The following PLAAT3 variants were observed in gnomAD, a reference collection of about 807,000 sequenced individuals.
The protein encoded by PLAAT3 is Ca-independent phospholipase A1/2.
PLAAT3 carries 21 observed loss-of-function variants against 16.7 expected under a neutral mutation model. The observed-to-expected ratio is 1.26, with a 90% CI of 0.89 to 1.81. The LOEUF is 1.81. PLAAT3 is among the 40% of genes most tolerant of loss of function. PLAAT3 has a pLI of 0.00. For synonymous variants in PLAAT3, 76 were observed against 81.7 expected, an observed-to-expected ratio of 0.93 and a Z score of 0.38; for missense variants, 219 against 213.7, an observed-to-expected ratio of 1.02 and a Z score of -0.16.
chr11:63,575,141 TG>T, intron 4 of PLAAT3, 95 bp from the exon 5 acceptor site: 1 of 820,976 alleles, frequency 1.2e-6, no homozygotes, highest in Non-Finnish European at 2.0e-6. Flanking sequence ...ATACCTCACA[TG>T]CCCCTTGGCC....
chr11:63,575,070 C>T, intron 4 of PLAAT3, 24 bp from the exon 5 acceptor site: 1 of 1,499,748 alleles, frequency 6.7e-7, no homozygotes, highest in South Asian at 1.1e-5. Flanking sequence ...GAGGGTGGGT[C>T]ACACTCTGTG....
chr11:63,589,346 A>C (rs573482304), intron 4 of PLAAT3, among the ~76,000 whole-genome samples: 1 of 151,928 alleles, frequency 6.6e-6, no homozygotes, highest in Admixed American at 6.6e-5. Context: ...TCACTGAAAA[A>C]AATATGTATT....
intron 4 of PLAAT3, among the ~76,000 whole-genome samples, chr11:63,576,688 G>A (rs2017666317): frequency 6.6e-6 from 1 of 152,164 alleles, no homozygotes; most frequent in Admixed American, 6.5e-5. Context: ...GTATACATTA[G>A]AGGCCAGTAT....
rs1349383490 is a variant in PLAAT3, at chr11:63,574,873, A to T, written c.*72T>A. 1.1e-6 allele frequency: 1 copy of T among 886,932 alleles called. No homozygotes were observed. The highest frequency in any genetic ancestry group is 1.7e-5 in the African/African-American group (1 of 60,300). The allele number at this position is 886,932 out of a possible 1,614,324, so 54.9% of individuals were successfully genotyped here. A position where few individuals can be genotyped will look rare whatever the true frequency, so the allele number is the denominator to read the frequency against. On this transcript the variant is annotated 3_prime_UTR_variant, in exon 5 of 5. Coordinates refer to ENST00000415826, the MANE Select transcript of PLAAT3 (RefSeq NM_001128203.2). ...AATCACAATGAAATCCACAAACCAA[A>T]CCCCAAACTCTCTAGCAAAACAAGA...
At chr11:63,588,080 T>A (rs1788273) in intron 4 of PLAAT3, among the ~76,000 whole-genome samples, 26 of 151,774 alleles carry the variant, frequency 1.7e-4, no homozygotes, top group South Asian at 6.3e-4. Context: ...ATAAAAAAAA[T>A]TTTTTTTGAG....
rs548117869 is a variant in PLAAT3 at position 63,614,094 on chromosome 11, T to C, written c.-54-26A>G. 8.6e-5 allele frequency: 139 copies of C among 1,609,486 alleles called. No individual in the cohort carries two copies. The East Asian group carries it at 2.7e-3, about 32-fold the overall frequency. On this transcript the variant is annotated intron_variant, in intron 1 of 4. Coordinates refer to ENST00000415826, the MANE Select transcript of PLAAT3 (RefSeq NM_001128203.2). ...CTGAGGCAGGGGGAGCAGGGATTTA[T>C]TGTCATTAACAGGAAACTGCGTCTC...
rs183204056 is a variant in PLAAT3 at position 63,596,598 on chromosome 11, G to A, written c.118+1463C>T. ...ACTAGATGGTCCCTTCTGGGGTGAC[G>A]GGTGACAGTGACAGATCATCAGGCA... On this transcript the variant is annotated intron_variant, in intron 3 of 4. Transcript: ENST00000415826. Among the ~76,000 whole-genome samples the A allele has an allele frequency of 5.1e-3, 774 of 151,632 alleles. 2 individuals are homozygous for A. Among genetic ancestry groups the A allele is most frequent in the Non-Finnish European group, 7.5e-3 (512 of 67,908 alleles).
At chr11:63,589,966 C>A in intron 4 of PLAAT3, 134 bp downstream of exon 4, 23 of 703,602 alleles carry the variant, frequency 3.3e-5, no homozygotes, top group East Asian at 1.2e-4. Flanking sequence ...CTTGTCCCAA[C>A]TGTGACATCC....
chr11:63,599,493 TA>T (rs1938370896), intron 2 of PLAAT3, among the ~76,000 whole-genome samples: 1 of 152,206 alleles, frequency 6.6e-6, no homozygotes, highest in Admixed American at 6.5e-5. Flanking sequence ...CTACAACGCC[TA>T]TGAAGGCGGG....
chr11:63,580,411 T>G (rs1026594380), intron 4 of PLAAT3, among the ~76,000 whole-genome samples: 17 of 152,178 alleles, frequency 1.1e-4, no homozygotes, highest in Admixed American at 5.9e-4. Context: ...ATCCCAGCAC[T>G]TTGGGAGGCC....
intron 2 of PLAAT3, among the ~76,000 whole-genome samples, chr11:63,606,590 GA>G (rs2134429317): frequency 1.3e-5 from 2 of 152,330 alleles, no homozygotes; most frequent in South Asian, 4.1e-4. Context: ...GGTGCAATAG[GA>G]ATTAGAGAGT....
intron 4 of PLAAT3, among the ~76,000 whole-genome samples, chr11:63,583,054 C>A (rs767760357): frequency 6.6e-6 from 1 of 151,654 alleles, no homozygotes; most frequent in Non-Finnish European, 1.5e-5. Flanking sequence ...TCACTTGAAC[C>A]GGGAGGCGGA....
chr11:63,613,954 C>A (rs368182387), intron 2 of PLAAT3, 46 bp downstream of exon 2: 1 of 1,218,898 alleles, frequency 8.2e-7, no homozygotes, highest in Non-Finnish European at 1.2e-6. Context: ...TCCCCACTAA[C>A]AGGGGGCTCC....
At chr11:63,604,239 G>A (rs762811114) in intron 2 of PLAAT3, among the ~76,000 whole-genome samples, 5 of 152,046 alleles carry the variant, frequency 3.3e-5, no homozygotes, top group Non-Finnish European at 7.4e-5. Context: ...TATTACATAC[G>A]CAACAGTGCG....
At chr11:63,577,752 G>A (rs201929923) in intron 4 of PLAAT3, among the ~76,000 whole-genome samples, 3 of 151,956 alleles carry the variant, frequency 2.0e-5, no homozygotes, top group Admixed American at 6.6e-5. Context: ...GGCTAAGATC[G>A]AGTGTAAAAA....
At chr11:63,599,961 C>A (rs1017005130) in intron 2 of PLAAT3, among the ~76,000 whole-genome samples, 1 of 152,104 alleles carries the variant, frequency 6.6e-6, no homozygotes, top group Non-Finnish European at 1.5e-5. Context: ...ATGAGAGGAG[C>A]CCTCACATAG....
rs371637897 is a variant in PLAAT3, at chr11:63,605,119, C to T, written c.16-6956G>A. Among the ~76,000 whole-genome samples, 23 of 152,222 alleles carry T rather than the reference C, an allele frequency of 1.5e-4. 1 individual carries two copies. The East Asian group carries it at 3.1e-3, about 20-fold the overall frequency. On this transcript the variant is annotated intron_variant, in intron 2 of 4. Transcript: ENST00000415826. Reference sequence around the variant, plus strand: ...TCAAACGTTCAAAATTGAGGCCGGGCGCAGTGGCTCACGCCTTGTAATCCT... The same window carrying T: ...TCAAACGTTCAAAATTGAGGCCGGGTGCAGTGGCTCACGCCTTGTAATCCT...
At chr11:63,591,534 T>A (rs775079131) in intron 3 of PLAAT3, among the ~76,000 whole-genome samples, 1 of 152,244 alleles carries the variant, frequency 6.6e-6, no homozygotes, top group African/African-American at 2.4e-5. Flanking sequence ...AGCAGCACCC[T>A]GTTAAACTGG....
At chr11:63,578,378 T>C (rs1937686646) in intron 4 of PLAAT3, among the ~76,000 whole-genome samples, 1 of 152,046 alleles carries the variant, frequency 6.6e-6, no homozygotes, top group Non-Finnish European at 1.5e-5. Context: ...TGAAATTTTA[T>C]AGCATTGGGT....
Sources: gnomAD v4.1 joint callset for allele counts (sites outside exome capture counted in the v4.1 genomes callset) on GRCh38, gnomAD v4.1.1 for gene constraint, MANE v1.5 for transcripts, NCBI Gene and HGNC (gene_info 2026-07-23, HGNC 2026-07-21) for gene names.